CDH23: variants seen among roughly 807,000 people sequenced by gnomAD.
The protein encoded by CDH23 is cadherin-23.
CDH23 carries 189 observed loss-of-function variants against 317.1 expected under a neutral mutation model. The observed-to-expected ratio is 0.60, with a 90% CI of 0.53 to 0.67. CDH23 has a LOEUF of 0.67. CDH23 is among the 30% of genes least tolerant of loss of function. CDH23 has a pLI of 0.00. For missense variants in CDH23, 4,401 were observed against 4,592.4 expected (o/e 0.96, Z 1.20); for synonymous variants, 1,839 against 1,876.8 (o/e 0.98, Z 0.52).
chr10:71,543,172 G>A (rs1856078764), intron 6 of CDH23, among the ~76,000 whole-genome samples: 2 of 152,212 alleles, frequency 1.3e-5, no homozygotes, highest in Admixed American at 6.5e-5. Flanking sequence ...CTGAGCACCC[G>A]GCCCCACCCA....
intron 14 of CDH23, among the ~76,000 whole-genome samples, chr10:71,668,121 A>G (rs1863990794): frequency 6.6e-6 from 1 of 152,128 alleles, no homozygotes; most frequent in Admixed American, 6.5e-5. Flanking sequence ...GTCTAGGCTC[A>G]GGGGCTGCAT....
At chr10:71,731,247 A>G (rs1490716803) in intron 31 of CDH23, among the ~76,000 whole-genome samples, 6 of 152,296 alleles carry the variant, frequency 3.9e-5, no homozygotes, top group East Asian at 3.9e-4. Flanking sequence ...CTGGAGACCC[A>G]CTGTCCCCCA....
chr10:71,571,950 GA>G (rs2132379534), intron 8 of CDH23, among the ~76,000 whole-genome samples: 1 of 152,354 alleles, frequency 6.6e-6, no homozygotes, highest in South Asian at 2.1e-4. Context: ...TCCTGGGCCT[GA>G]CCCCTCATTT....
intron 8 of CDH23, among the ~76,000 whole-genome samples, chr10:71,576,854 G>T (rs1858241622): frequency 6.6e-6 from 1 of 152,188 alleles, no homozygotes; most frequent in South Asian, 2.1e-4. Context: ...ACTCTTGTTT[G>T]TTCGTTTGTT....
chr10:71,591,166 A>G (rs1859469251), intron 9 of CDH23, among the ~76,000 whole-genome samples: 2 of 152,150 alleles, frequency 1.3e-5, no homozygotes, highest in South Asian at 4.1e-4. Flanking sequence ...GGGAGATCAG[A>G]GGAGGCCGAG....
chr10:71,623,603 G>A (rs1376836552), intron 11 of CDH23, among the ~76,000 whole-genome samples: 5 of 152,170 alleles, frequency 3.3e-5, no homozygotes, highest in Non-Finnish European at 7.4e-5. Context: ...GTGAAAAGGA[G>A]TGAAGTCTCC....
chr10:71,789,824 T>C (rs1264206041), intron 45 of CDH23, among the ~76,000 whole-genome samples: 1 of 152,238 alleles, frequency 6.6e-6, no homozygotes, highest in Non-Finnish European at 1.5e-5. Flanking sequence ...TGCGTGCTCC[T>C]GGACAAGTGC....
chr10:71,566,467 G>A (rs2132357038), intron 6 of CDH23, among the ~76,000 whole-genome samples: 1 of 152,066 alleles, frequency 6.6e-6, no homozygotes, highest in Non-Finnish European at 1.5e-5. Context: ...ACAGGTTTGG[G>A]GACCGTAAGA....
At chr10:71,504,468 A>G (rs939347424) in intron 3 of CDH23, among the ~76,000 whole-genome samples, 3 of 152,238 alleles carry the variant, frequency 2.0e-5, no homozygotes, top group African/African-American at 7.2e-5. Context: ...GTGGACAGAT[A>G]CTTGGATCGC....
chr10:71,746,130 G>A (rs559816982), intron 38 of CDH23, among the ~76,000 whole-genome samples: 8 of 152,350 alleles, frequency 5.3e-5, no homozygotes, highest in Admixed American at 3.3e-4. Context: ...CGGTCTGGCA[G>A]GGGAAGGCAC....
At chr10:71,659,411 G>A (rs1438311709) in intron 14 of CDH23, among the ~76,000 whole-genome samples, 1 of 152,204 alleles carries the variant, frequency 6.6e-6, no homozygotes, top group Non-Finnish European at 1.5e-5. Flanking sequence ...AGAGCAGCAG[G>A]TGGGTAGGGG....
At chr10:71,409,359 C>A (rs1463934132) in intron 1 of CDH23, among the ~76,000 whole-genome samples, 3 of 152,132 alleles carry the variant, frequency 2.0e-5, no homozygotes, top group Admixed American at 6.5e-5. Flanking sequence ...CTTCCAAGGG[C>A]AATGAGCTTA....
At chr10:71,617,992 CAA>C (rs1164170162) in intron 11 of CDH23, among the ~76,000 whole-genome samples, 1 of 136,382 alleles carries the variant, frequency 7.3e-6, no homozygotes. Flanking sequence ...GACTCCATCT[CAA>C]AAAAAAAAAA....
intron 14 of CDH23, among the ~76,000 whole-genome samples, chr10:71,659,620 T>C (rs1467723020): frequency 1.3e-5 from 2 of 152,236 alleles, no homozygotes; most frequent in Non-Finnish European, 2.9e-5. Context: ...CGGACACTTA[T>C]CTCCAGCAAA....
chr10:71,793,990 T>C (rs1247176628), intron 48 of CDH23, among the ~76,000 whole-genome samples: 2 of 152,142 alleles, frequency 1.3e-5, no homozygotes, highest in African/African-American at 4.8e-5. Flanking sequence ...TGTTCTTTTG[T>C]TTTTTGTTTT....
intron 6 of CDH23, among the ~76,000 whole-genome samples, chr10:71,546,907 A>C (rs1283524242): frequency 6.6e-6 from 1 of 152,222 alleles, no homozygotes; most frequent in African/African-American, 2.4e-5. Flanking sequence ...TTGTTGAATG[A>C]ATGAGAGGGA....
chr10:71,713,212 AGGCTCCCCTCTTG>A (rs1866059843), intron 28 of CDH23: 2 of 779,282 alleles, frequency 2.6e-6, no homozygotes, highest in Non-Finnish European at 4.8e-6. Flanking sequence ...CCCTTGGCCG[AGGCTCCCCTCTTG>A]GGAAGTAAAC....
intron 27 of CDH23, 48 bp downstream of exon 27, chr10:71,709,259 C>A (rs1865892129): frequency 6.5e-7 from 1 of 1,538,194 alleles, no homozygotes; most frequent in South Asian, 1.1e-5. Context: ...GGGCAGAGTT[C>A]ACACAGGGTG....
intron 22 of CDH23, among the ~76,000 whole-genome samples, chr10:71,696,343 G>A (rs1012628239): frequency 2.6e-5 from 4 of 152,202 alleles, no homozygotes; most frequent in Non-Finnish European, 5.9e-5. Flanking sequence ...CTGAACACCT[G>A]GGATGTGCTC....
Sources: allele counts gnomAD v4.1 joint callset (sites outside exome capture counted in the v4.1 genomes callset), GRCh38; gene constraint gnomAD v4.1.1; transcripts MANE v1.5; gene names NCBI Gene and HGNC (gene_info 2026-07-23, HGNC 2026-07-21).